The following CUL5 variants were observed in gnomAD, a reference collection of about 807,000 sequenced individuals.
The protein encoded by CUL5 is cullin-5.
In CUL5, 26 loss-of-function variants were observed where a neutral mutation model predicts 108.8. The ratio of observed to expected loss-of-function variants is 0.24; its 90% CI spans 0.18 to 0.33. The LOEUF is 0.33. CUL5 is among the 10% of genes least tolerant of loss of function. The pLI is 1.00. For missense variants in CUL5, 524 were observed against 909.2 expected, an observed-to-expected ratio of 0.58 and a Z score of 5.45; for synonymous variants, 334 against 298.0, an observed-to-expected ratio of 1.12 and a Z score of -1.25.
At chr11:108,023,961 C>A (rs1044950688) in intron 1 of CUL5, among the ~76,000 whole-genome samples, 7 of 152,096 alleles carry the variant, frequency 4.6e-5, no homozygotes, top group African/African-American at 1.4e-4. Context: ...AAAGAAATGT[C>A]TTTTACGTAG....
intron 10 of CUL5, 38 bp downstream of exon 10, chr11:108,073,535 G>T: frequency 2.1e-6 from 2 of 930,776 alleles, no homozygotes; most frequent in South Asian, 3.9e-5. Flanking sequence ...ACTTTTAAAA[G>T]TTTTATTCTC....
intron 5 of CUL5, 83 bp from the exon 6 acceptor site, chr11:108,054,564 T>C: frequency 1.1e-6 from 1 of 919,084 alleles, no homozygotes; most frequent in Admixed American, 2.9e-5. Context: ...ACATAATGAC[T>C]CCTCAATATT....
intron 13 of CUL5, among the ~76,000 whole-genome samples, chr11:108,089,876 C>T (rs1371641251): frequency 6.6e-6 from 1 of 151,620 alleles, no homozygotes; most frequent in East Asian, 2.0e-4. Flanking sequence ...CGCGTCTCTA[C>T]TAAAAATACA....
chr11:108,086,252 T>C (rs1379821177), intron 11 of CUL5, among the ~76,000 whole-genome samples: 4 of 152,008 alleles, frequency 2.6e-5, no homozygotes, highest in Non-Finnish European at 5.9e-5. Context: ...CTGAAAACAA[T>C]AATAAAACTT....
At chr11:108,099,824 T>C (rs879823263) in intron 18 of CUL5, among the ~76,000 whole-genome samples, 1 of 152,112 alleles carries the variant, frequency 6.6e-6, no homozygotes, top group Non-Finnish European at 1.5e-5. Context: ...AGACAGTATG[T>C]ACTTTTATGT....
intron 1 of CUL5, among the ~76,000 whole-genome samples, chr11:108,030,272 G>A (rs1001677423): frequency 2.0e-5 from 3 of 152,244 alleles, no homozygotes; most frequent in South Asian, 2.1e-4. Context: ...AAAGAAACTA[G>A]TTGTTCAGGA....
rs774986079 is a variant in CUL5, at chr11:108,072,475, T to C, written c.1005+13T>C. Reference sequence around the variant, plus strand: ...AACTATTACTACTGTAAGTTTTTTTTCAATGGCAATGATAGATATATATCA... The same window carrying C: ...AACTATTACTACTGTAAGTTTTTTTCCAATGGCAATGATAGATATATATCA... On this transcript the variant is annotated intron_variant, in intron 9 of 18. Transcript: ENST00000393094. The C allele has an allele frequency of 9.4e-6, 15 of 1,596,584 alleles. No individual in the cohort carries two copies. The highest frequency in any genetic ancestry group is 3.3e-4 in the Middle Eastern group (2 of 6,008).
chr11:108,084,020 G>T (rs751147046), intron 11 of CUL5, among the ~76,000 whole-genome samples: 2 of 152,140 alleles, frequency 1.3e-5, no homozygotes, highest in Non-Finnish European at 2.9e-5. Flanking sequence ...TCTGTCATTA[G>T]TGTTAGTGTA....
At position 108,094,924 on chromosome 11, in the gene CUL5, A is replaced by C; in HGVS notation, c.1680A>C (p.Glu560Asp). ...ELEDLIPEVE[E>D]FYKKNHSGRK... ...AGGACTTGATACCGGAAGTAGAAGA[A>C]TTCTACAAAAAAAATCATAGTGGTA... The change falls in exon 15 of 19, where the codon GAA becomes GAC. Residue 560 changes from glutamate (E) to aspartate (D), a missense_variant. Glu to Asp is a conservative substitution (Grantham distance 45, BLOSUM62 2). This residue lies in a region of CUL5 where 64 missense variants were observed against 152.0 expected (regional missense o/e 0.42). Coordinates refer to ENST00000393094, the MANE Select transcript of CUL5 (RefSeq NM_003478.6). 1 of 1,613,430 alleles carries C rather than the reference A, an allele frequency of 6.2e-7. No individual in the cohort carries two copies. Among genetic ancestry groups the C allele is most frequent in the Non-Finnish European group, 8.5e-7 (1 of 1,179,514 alleles).
chr11:108,096,115 G>GCACA (rs145197270), intron 16 of CUL5, among the ~76,000 whole-genome samples: 9 of 146,026 alleles, frequency 6.2e-5, no homozygotes, highest in East Asian at 4.0e-4. Flanking sequence ...AAAAAATTAT[G>GCACA]CACACACACA....
chr11:108,080,766 T>C (rs1214533879), intron 11 of CUL5, among the ~76,000 whole-genome samples: 1 of 152,210 alleles, frequency 6.6e-6, no homozygotes, highest in African/African-American at 2.4e-5. Flanking sequence ...ATTCTGGTAC[T>C]GGATCCGTAT....
At chr11:108,011,113 C>T (rs963453755) in intron 1 of CUL5, among the ~76,000 whole-genome samples, 3 of 152,208 alleles carry the variant, frequency 2.0e-5, no homozygotes, top group East Asian at 3.9e-4. Flanking sequence ...TAATTTTGTC[C>T]GTGATTCTGG....
intron 3 of CUL5, among the ~76,000 whole-genome samples, chr11:108,046,997 G>A (rs1368974185): frequency 6.6e-6 from 1 of 152,078 alleles, no homozygotes; most frequent in African/African-American, 2.4e-5. Context: ...GGACCCTAAG[G>A]ACGTGAGATT....
chr11:108,107,224 A>T lies in CUL5; in HGVS notation c.*2840A>T, dbSNP rs1015474263. The T allele has an allele frequency of 6.6e-6, 1 of 152,110 alleles. No individual in the cohort carries two copies. The highest frequency in any genetic ancestry group is 2.4e-5 in the African/African-American group (1 of 41,346). The allele number at this position is 152,110 out of a possible 1,614,324, so 9.4% of individuals were successfully genotyped here. ...TAAATGTTAAACCTTCCAAAAATGA[A>T]ATGTTAGCTTTCTTTCTTTTACTTT... is the stretch of plus-strand genomic sequence containing the variant. On this transcript the variant is annotated 3_prime_UTR_variant, in exon 19 of 19. Coordinates refer to ENST00000393094, the MANE Select transcript of CUL5 (RefSeq NM_003478.6).
chr11:108,060,414 C>A (rs976557098), intron 7 of CUL5, among the ~76,000 whole-genome samples: 2 of 151,982 alleles, frequency 1.3e-5, no homozygotes, highest in Admixed American at 6.6e-5. Context: ...TCAACTCTTA[C>A]GTTGTAGCTG....
intron 2 of CUL5, among the ~76,000 whole-genome samples, chr11:108,044,345 GTCTCTACAAAAAA>G (rs1437639044): frequency 6.6e-6 from 1 of 151,604 alleles, no homozygotes; most frequent in Non-Finnish European, 1.5e-5. Flanking sequence ...GGGAGACCGT[GTCTCTACAAAAAA>G]TAAAAAATTA....
intron 2 of CUL5, among the ~76,000 whole-genome samples, chr11:108,036,243 A>G (rs1033886332): frequency 2.0e-5 from 3 of 152,340 alleles, no homozygotes; most frequent in African/African-American, 4.8e-5. Flanking sequence ...CATAGTAAAT[A>G]TCATCCATTG....
chr11:108,042,189 C>T lies in CUL5; in HGVS notation c.135-4081C>T, dbSNP rs142067045. The stretch of plus-strand genomic sequence containing the variant: ...TAGCCACATTGATGTGCTTATAGTC[C>T]ACTGCAGTTACCTTAGTCATCCACA... On this transcript the variant is annotated intron_variant, in intron 2 of 18. Coordinates refer to ENST00000393094, the MANE Select transcript of CUL5 (RefSeq NM_003478.6). Among the ~76,000 whole-genome samples, 893 of 150,182 alleles carry T rather than the reference C, an allele frequency of 5.9e-3. 5 individuals are homozygous for T. Among genetic ancestry groups the T allele is most frequent in the African/African-American group, 0.021 (856 of 40,840 alleles).
At chr11:108,050,764 A>C (rs1456230607) in intron 4 of CUL5, among the ~76,000 whole-genome samples, 1 of 152,200 alleles carries the variant, frequency 6.6e-6, no homozygotes, top group African/African-American at 2.4e-5. Context: ...ATTGTGGCTA[A>C]ACTGCTATCT....
Sources: gnomAD v4.1 joint callset for allele counts (sites outside exome capture counted in the v4.1 genomes callset) on GRCh38, gnomAD v4.1.1 for gene constraint, gnomAD v4.1.1 regional missense constraint, MANE v1.5 for transcripts, NCBI Gene and HGNC (gene_info 2026-07-23, HGNC 2026-07-21) for gene names.